The following PARD3 variants were observed in gnomAD, a reference collection of about 807,000 sequenced individuals.
PARD3 encodes par-3 family cell polarity regulator.
PARD3 carries 75 observed loss-of-function variants against 155.4 expected under a neutral mutation model. The ratio of observed to expected loss-of-function variants is 0.48; its 90% CI spans 0.40 to 0.58. The LOEUF is 0.58. Ranked by LOEUF, PARD3 falls within the 20% of genes least tolerant of loss-of-function variation. The probability of loss-of-function intolerance (pLI) is 0.00; values close to 1 mark genes in which losing one functional copy is unlikely to be tolerated. For synonymous variants in PARD3, 576 were observed against 610.5 expected (o/e 0.94, Z 0.83); for missense variants, 1,642 against 1,721.7 (o/e 0.95, Z 0.82).
At chr10:34,321,624 G>A (rs1480442089) in intron 19 of PARD3, among the ~76,000 whole-genome samples, 2 of 152,172 alleles carry the variant, frequency 1.3e-5, no homozygotes. Flanking sequence ...GCATGAAGCT[G>A]CTTATTTCTC....
chr10:34,784,443 CTT>C (rs936219571), intron 1 of PARD3, among the ~76,000 whole-genome samples: 2 of 128,068 alleles, frequency 1.6e-5, no homozygotes, highest in Admixed American at 7.7e-5. Context: ...TTCCAACATA[CTT>C]TTTTTTTTTT....
chr10:34,444,152 A>C (rs1386869410), intron 5 of PARD3, among the ~76,000 whole-genome samples: 1 of 152,182 alleles, frequency 6.6e-6, no homozygotes, highest in Non-Finnish European at 1.5e-5. Context: ...CAGTGGCTGG[A>C]ATGTGCCTTG....
chr10:34,759,875 C>A (rs931687432), intron 1 of PARD3, among the ~76,000 whole-genome samples: 1 of 152,214 alleles, frequency 6.6e-6, no homozygotes. Context: ...AAGCTCTGCA[C>A]ATACTGCTGC....
chr10:34,492,009 T>C (rs574351333), intron 3 of PARD3, among the ~76,000 whole-genome samples: 5 of 152,332 alleles, frequency 3.3e-5, no homozygotes, highest in Admixed American at 1.3e-4. Flanking sequence ...TGAAAATCAT[T>C]TCCTTGGAAA....
intron 1 of PARD3, among the ~76,000 whole-genome samples, chr10:34,730,478 G>A (rs2094797237): frequency 6.6e-6 from 1 of 152,120 alleles, no homozygotes; most frequent in Admixed American, 6.5e-5. Context: ...ACAAGATGAA[G>A]CCAAAGGCAG....
At position 34,610,072 on chromosome 10, in the gene PARD3, G is replaced by C. The variant is rs567276230; in HGVS notation, c.222+86246C>G. Among the ~76,000 whole-genome samples, 3 of 152,190 alleles carry C rather than the reference G, an allele frequency of 2.0e-5. No homozygotes were observed. The East Asian group carries it at 5.8e-4, about 29-fold the overall frequency. ...CAAAGGGGCCTTTTATTGAAGCTCT[G>C]GTTATTCATGATAGATTCATCCACA... On this transcript the variant is annotated intron_variant, in intron 2 of 24. Coordinates refer to ENST00000374788, the MANE Select transcript of PARD3 (RefSeq NM_001184785.2).
intron 2 of PARD3, among the ~76,000 whole-genome samples, chr10:34,567,062 C>A (rs1403611067): frequency 6.6e-6 from 1 of 152,052 alleles, no homozygotes; most frequent in Non-Finnish European, 1.5e-5. Context: ...AGAAAGACTG[C>A]CACATAGGAA....
chr10:34,180,078 C>T (rs960761841), intron 22 of PARD3, among the ~76,000 whole-genome samples: 2 of 151,838 alleles, frequency 1.3e-5, no homozygotes, highest in Non-Finnish European at 2.9e-5. Flanking sequence ...GACGGAGTCT[C>T]GCTCTGTCGC....
At chr10:34,624,677 G>A (rs1590282160) in intron 2 of PARD3, among the ~76,000 whole-genome samples, 1 of 152,342 alleles carries the variant, frequency 6.6e-6, no homozygotes, top group East Asian at 1.9e-4. Flanking sequence ...ATGGTGGAGA[G>A]GACAGGAGGC....
At chr10:34,654,013 C>T (rs2093093885) in intron 2 of PARD3, among the ~76,000 whole-genome samples, 1 of 152,092 alleles carries the variant, frequency 6.6e-6, no homozygotes, top group Admixed American at 6.6e-5. Context: ...TACGTTGCTT[C>T]ACATTAAGAC....
At chr10:34,542,234 T>TGTGTGTGTGTGTGTAC (rs143582528) in intron 2 of PARD3, among the ~76,000 whole-genome samples, 8 of 146,300 alleles carry the variant, frequency 5.5e-5, no homozygotes, top group Admixed American at 2.0e-4. Flanking sequence ...TGTGTGTGTG[T>TGTGTGTGTGTGTGTAC]GTGTGCACAC....
intron 15 of PARD3, chr10:34,343,749 G>A: frequency 1.0e-6 from 1 of 984,192 alleles, no homozygotes; most frequent in Non-Finnish European, 1.2e-6. Context: ...TCTATGACTT[G>A]AGAAGGCTTC....
chr10:34,808,593 A>G (rs1037146887), intron 1 of PARD3, among the ~76,000 whole-genome samples: 2 of 152,056 alleles, frequency 1.3e-5, no homozygotes, highest in Non-Finnish European at 2.9e-5. Context: ...ATGGAAAATT[A>G]CCTATAGAAA....
intron 3 of PARD3, among the ~76,000 whole-genome samples, chr10:34,515,055 T>C (rs1462425727): frequency 6.6e-6 from 1 of 152,202 alleles, no homozygotes; most frequent in Non-Finnish European, 1.5e-5. Flanking sequence ...CCTGAACTAC[T>C]ATTTAAATTT....
intron 2 of PARD3, among the ~76,000 whole-genome samples, chr10:34,612,895 G>A (rs1352911448): frequency 1.3e-5 from 2 of 152,194 alleles, no homozygotes; most frequent in African/African-American, 4.8e-5. Flanking sequence ...AAGTTGAACA[G>A]CCAATCAAAT....
rs74620388 is a variant in PARD3, at chr10:34,427,976, G to T, written c.714+22341C>A. On this transcript the variant is annotated intron_variant, in intron 5 of 24. Transcript: ENST00000374788. ...AGCTGGACAGTGAAGTGGAATATGT[G>T]ATGGCAATGGGCAAATGCTACCTGA... is the stretch of plus-strand genomic sequence containing the variant. Among the ~76,000 whole-genome samples the T allele has an allele frequency of 1.3e-3, 197 of 152,244 alleles. 1 individual carries two copies. Among genetic ancestry groups the T allele is most frequent in the African/African-American group, 4.4e-3 (183 of 41,546 alleles).
At chr10:34,393,948 C>T (rs759620085) in intron 7 of PARD3, among the ~76,000 whole-genome samples, 2 of 151,680 alleles carry the variant, frequency 1.3e-5, no homozygotes, top group Non-Finnish European at 2.9e-5. Flanking sequence ...AGCAATTCTC[C>T]TGCCTCAGCC....
chr10:34,144,516 C>G (rs1020435114), intron 22 of PARD3, among the ~76,000 whole-genome samples: 5 of 152,024 alleles, frequency 3.3e-5, no homozygotes, highest in African/African-American at 1.2e-4. Context: ...ATGTAAGTTG[C>G]CAGTATGAAT....
At chr10:34,467,185 A>T (rs778623833) in intron 4 of PARD3, among the ~76,000 whole-genome samples, 14 of 152,152 alleles carry the variant, frequency 9.2e-5, no homozygotes, top group Non-Finnish European at 1.8e-4. Context: ...AAATTGAGAG[A>T]AAACAGAATA....
Sources: allele counts gnomAD v4.1 joint callset (sites outside exome capture counted in the v4.1 genomes callset), GRCh38; gene constraint gnomAD v4.1.1; transcripts MANE v1.5; gene names NCBI Gene and HGNC (gene_info 2026-07-23, HGNC 2026-07-21).